The following ZFHX3 variants were observed in gnomAD, a reference collection of about 807,000 sequenced individuals.
The protein encoded by ZFHX3 is zinc finger homeobox 3.
Under a neutral mutation model 279.1 loss-of-function variants are expected in ZFHX3, and 42 were observed. The observed-to-expected ratio is 0.15, with a 90% CI of 0.12 to 0.19. ZFHX3 has a LOEUF of 0.19. Among genes scored for constraint, ZFHX3 ranks in the 10% least tolerant of loss-of-function variants. The pLI, the probability that ZFHX3 is intolerant of heterozygous loss-of-function variation, is 1.00. For synonymous variants in ZFHX3, 2,293 were observed against 1,957.8 expected, an observed-to-expected ratio of 1.17 and a Z score of -4.52; for missense variants, 4,981 against 4,754.0, an observed-to-expected ratio of 1.05 and a Z score of -1.40.
intron 3 of ZFHX3, among the ~76,000 whole-genome samples, chr16:73,380,484 T>C (rs2016801646): frequency 6.6e-6 from 1 of 152,220 alleles, no homozygotes; most frequent in South Asian, 2.1e-4. Flanking sequence ...AAATTATCAC[T>C]TTTGTGTTGA....
At chr16:72,909,020 C>A (rs2039255262) in intron 3 of ZFHX3, among the ~76,000 whole-genome samples, 1 of 152,170 alleles carries the variant, frequency 6.6e-6, no homozygotes, top group South Asian at 2.1e-4. Flanking sequence ...TAGCGAGAAG[C>A]GGATGCAGGT....
Position 73,236,979 on chromosome 16 carries a change from G to A in ZFHX3, c.-1104+20068C>T, listed in dbSNP as rs559074330. Reference sequence around the variant, plus strand: ...TCTCACACAATGACATCTCACAATCGTGCAGGGCTTTCCAATTTCCACGGT... The same window carrying A: ...TCTCACACAATGACATCTCACAATCATGCAGGGCTTTCCAATTTCCACGGT... On this transcript the variant is annotated intron_variant, in intron 5 of 17. Transcript: ENST00000641206. Among the ~76,000 whole-genome samples the A allele has an allele frequency of 2.6e-3, 403 of 152,244 alleles. 2 individuals are homozygous for A. The highest frequency in any genetic ancestry group is 4.2e-3 in the Non-Finnish European group (285 of 68,024).
intron 1 of ZFHX3, among the ~76,000 whole-genome samples, chr16:73,804,693 C>A (rs1960227412): frequency 6.6e-6 from 1 of 152,106 alleles, no homozygotes; most frequent in South Asian, 2.1e-4. Flanking sequence ...TTGCACAATG[C>A]CTGGACCCAC....
rs571720900 is a variant in ZFHX3 at position 73,328,004 on chromosome 16, G to A, written c.-1290-9668C>T. 2.1e-3 allele frequency among the ~76,000 whole-genome samples: 321 copies of A among 152,234 alleles called. 2 individuals carry two copies. Among genetic ancestry groups the A allele is most frequent in the Non-Finnish European group, 2.6e-3 (175 of 68,014 alleles). ...TCATCAACCTTTTCAGCTCAGGATC[G>A]GGGGGAACACCAGCCAGAATACTGA... On this transcript the variant is annotated intron_variant, in intron 3 of 17. Coordinates refer to the ZFHX3 transcript ENST00000641206.
chr16:73,247,289 G>A (rs943473200), intron 5 of ZFHX3, among the ~76,000 whole-genome samples: 2 of 152,020 alleles, frequency 1.3e-5, no homozygotes, highest in East Asian at 3.9e-4. Flanking sequence ...AAATGTGTCT[G>A]TGTGTCTATG....
At chr16:72,864,095 G>A (rs1416680556) in intron 4 of ZFHX3, among the ~76,000 whole-genome samples, 2 of 152,070 alleles carry the variant, frequency 1.3e-5, no homozygotes, top group African/African-American at 4.8e-5. Flanking sequence ...TCCGGCCTGG[G>A]CGAAAGAGCA....
At chr16:73,631,402 C>T (rs1365992089) in intron 2 of ZFHX3, among the ~76,000 whole-genome samples, 1 of 152,124 alleles carries the variant, frequency 6.6e-6, no homozygotes, top group Non-Finnish European at 1.5e-5. Flanking sequence ...GTTTTTATAA[C>T]TTAAAATATT....
intron 3 of ZFHX3, among the ~76,000 whole-genome samples, chr16:73,429,608 C>T (rs1018798293): frequency 7.9e-5 from 12 of 152,106 alleles, no homozygotes; most frequent in African/African-American, 2.9e-4. Flanking sequence ...GCTGGGATCA[C>T]GGGCATGAGC....
intron 1 of ZFHX3, among the ~76,000 whole-genome samples, chr16:73,816,435 A>G (rs1419613481): frequency 6.6e-6 from 1 of 152,216 alleles, no homozygotes. Flanking sequence ...ATCTTTATAA[A>G]TAAAGTTTTA....
intron 5 of ZFHX3, among the ~76,000 whole-genome samples, chr16:73,201,916 G>A (rs1482015434): frequency 6.6e-6 from 1 of 152,148 alleles, no homozygotes; most frequent in African/African-American, 2.4e-5. Flanking sequence ...ACATATTGAT[G>A]AATGAAAGCC....
intron 3 of ZFHX3, among the ~76,000 whole-genome samples, chr16:72,906,540 A>T (rs893763509): frequency 2.6e-5 from 4 of 152,286 alleles, no homozygotes; most frequent in Non-Finnish European, 5.9e-5. Flanking sequence ...TCACACCTAT[A>T]AATCCCAGCA....
chr16:72,873,603 T>C (rs187398463), intron 4 of ZFHX3, among the ~76,000 whole-genome samples: 1 of 152,336 alleles, frequency 6.6e-6, no homozygotes, highest in Non-Finnish European at 1.5e-5. Flanking sequence ...AGGTAGTAAT[T>C]ACCAGGTTTT....
chr16:72,866,100 T>G (rs2038016079), intron 4 of ZFHX3, among the ~76,000 whole-genome samples: 1 of 152,184 alleles, frequency 6.6e-6, no homozygotes, highest in Non-Finnish European at 1.5e-5. Flanking sequence ...AAGAAATCAC[T>G]GTGGACAGAT....
chr16:73,470,326 A>G (rs1422667888), intron 2 of ZFHX3, among the ~76,000 whole-genome samples: 5 of 152,186 alleles, frequency 3.3e-5, no homozygotes, highest in African/African-American at 1.2e-4. Flanking sequence ...GCCATGTCCT[A>G]TAATAAGTAA....
At chr16:73,799,936 T>C (rs963459877) in intron 1 of ZFHX3, among the ~76,000 whole-genome samples, 2 of 152,152 alleles carry the variant, frequency 1.3e-5, no homozygotes, top group Non-Finnish European at 2.9e-5. Flanking sequence ...TGCCCTCATC[T>C]GGAATCCCAA....
intron 1 of ZFHX3, among the ~76,000 whole-genome samples, chr16:73,817,209 C>A (rs1960599203): frequency 6.6e-6 from 1 of 152,140 alleles, no homozygotes; most frequent in Non-Finnish European, 1.5e-5. Flanking sequence ...GAAATGTGTG[C>A]CTGAAAGTTT....
At chr16:73,232,623 C>A (rs547681648) in intron 5 of ZFHX3, 1 of 152,164 alleles carries the variant, frequency 6.6e-6, no homozygotes, top group East Asian at 1.9e-4. Context: ...ACGTGCAGGA[C>A]GCAATGGACT....
chr16:73,230,358 T>C (rs1354234183), intron 5 of ZFHX3, among the ~76,000 whole-genome samples: 1 of 152,182 alleles, frequency 6.6e-6, no homozygotes. Context: ...TTAACTGTTT[T>C]AGGAACGTAT....
chr16:73,659,671 G>C (rs2052759726), intron 2 of ZFHX3, among the ~76,000 whole-genome samples: 1 of 152,034 alleles, frequency 6.6e-6, no homozygotes, highest in Non-Finnish European at 1.5e-5. Flanking sequence ...GCAAAGCATG[G>C]CAAAGTCTAT....
Sources: gnomAD v4.1 joint callset for allele counts (sites outside exome capture counted in the v4.1 genomes callset) on GRCh38, gnomAD v4.1.1 for gene constraint, MANE v1.5 for transcripts, NCBI Gene and HGNC (gene_info 2026-07-23, HGNC 2026-07-21) for gene names.